LIN28B: variants seen among roughly 807,000 people sequenced by gnomAD.
LIN28B encodes protein lin-28 homolog B.
Under a neutral mutation model 21.9 loss-of-function variants are expected in LIN28B, and 5 were observed. That is an observed-to-expected ratio of 0.23 (90% CI 0.12 to 0.48). The LOEUF (loss-of-function observed/expected upper bound fraction) is 0.48, where lower values mean the gene tolerates loss of function less well. Among genes scored for constraint, LIN28B ranks in the 20% least tolerant of loss-of-function variants. LIN28B has a pLI of 0.98. For synonymous variants in LIN28B, 109 were observed against 111.3 expected (o/e 0.98, Z 0.13); for missense variants, 245 against 310.5 (o/e 0.79, Z 1.58).
exon 2 of LIN28B, chr6:104,937,071 C>T (rs919667332): frequency 1.3e-5 from 2 of 152,132 alleles, no homozygotes; most frequent in African/African-American, 4.8e-5. Context: ...CCACGTCAAC[C>T]TCTGAAGAAG....
chr6:104,949,239 A>G (rs1309383424), intron 2 of LIN28B, among the ~76,000 whole-genome samples: 1 of 152,240 alleles, frequency 6.6e-6, no homozygotes, highest in Non-Finnish European at 1.5e-5. Context: ...TGTGCAAAAT[A>G]AAACTTGATA....
intron 2 of LIN28B, among the ~76,000 whole-genome samples, chr6:104,964,142 G>A (rs1348106272): frequency 6.6e-6 from 1 of 152,150 alleles, no homozygotes; most frequent in Non-Finnish European, 1.5e-5. Flanking sequence ...TTTTAACCGA[G>A]CAGCTCTTTT....
upstream of LIN28B, among the ~76,000 whole-genome samples, chr6:104,952,137 G>C (rs535968147): frequency 1.1e-3 from 169 of 152,232 alleles, no homozygotes; most frequent in South Asian, 0.034. Flanking sequence ...TGATGAAATA[G>C]AGCTTTAAAG....
intron 2 of LIN28B, 53 bp downstream of exon 2, chr6:104,958,339 G>T: frequency 7.2e-7 from 1 of 1,386,916 alleles, no homozygotes; most frequent in South Asian, 1.6e-5. Context: ...TGGAGGAGCT[G>T]ATCGGTAGTT....
chr6:104,992,807 GC>G (rs1217476469), intron 2 of LIN28B, among the ~76,000 whole-genome samples: 1 of 152,052 alleles, frequency 6.6e-6, no homozygotes, highest in Non-Finnish European at 1.5e-5. Flanking sequence ...ATTGTGTCTG[GC>G]CTGATCAAGT....
chr6:104,938,394 C>T (rs1389992229), intron 2 of LIN28B, among the ~76,000 whole-genome samples: 3 of 152,062 alleles, frequency 2.0e-5, no homozygotes, highest in Non-Finnish European at 4.4e-5. Flanking sequence ...AATCCCAGCA[C>T]TTTGAAGGGC....
At chr6:105,000,664 A>C (rs1375818398) in intron 2 of LIN28B, among the ~76,000 whole-genome samples, 3 of 151,554 alleles carry the variant, frequency 2.0e-5, no homozygotes, top group Admixed American at 6.6e-5. Flanking sequence ...AAAGAATAAA[A>C]ATTTAAAATA....
intron 2 of LIN28B, among the ~76,000 whole-genome samples, chr6:105,008,904 A>G (rs1188544851): frequency 6.6e-6 from 1 of 152,220 alleles, no homozygotes; most frequent in Non-Finnish European, 1.5e-5. Flanking sequence ...CTTCACACAT[A>G]CAGTGACATT....
chr6:105,052,581 C>T (rs942661182), intron 3 of LIN28B, among the ~76,000 whole-genome samples: 1 of 152,118 alleles, frequency 6.6e-6, no homozygotes, highest in Non-Finnish European at 1.5e-5. Context: ...TTAGGCCCTG[C>T]TTTCCAGTAC....
chr6:105,050,608 C>A (rs1391583656), intron 3 of LIN28B, among the ~76,000 whole-genome samples: 16 of 47,606 alleles, frequency 3.4e-4, no homozygotes, highest in South Asian at 1.6e-3. Flanking sequence ...GACTCCGTCT[C>A]AAAAAAAAAA....
chr6:105,068,448 T>A lies in LIN28B; in HGVS notation c.384-9966T>A, dbSNP rs189826909. Among the ~76,000 whole-genome samples, 1,402 of 152,304 alleles carry A rather than the reference T, an allele frequency of 9.2e-3. 11 individuals are homozygous for A. Among genetic ancestry groups the A allele is most frequent in the Non-Finnish European group, 0.015 (1,012 of 68,022 alleles). ...TAGAACAGTAGTTGATAATTTTTTT[T>A]AAAAATTAGTTAAGTTGGTCTGAAC... On this transcript the variant is annotated intron_variant, in intron 3 of 3. Transcript: ENST00000345080.
chr6:105,043,473 G>C (rs1390345393), intron 3 of LIN28B, among the ~76,000 whole-genome samples: 1 of 151,046 alleles, frequency 6.6e-6, no homozygotes, highest in African/African-American at 2.4e-5. Flanking sequence ...GTGTATGTGT[G>C]TGTATCCTAT....
intron 2 of LIN28B, among the ~76,000 whole-genome samples, chr6:105,014,054 A>G (rs1176365381): frequency 1.3e-5 from 2 of 151,910 alleles, no homozygotes; most frequent in African/African-American, 4.8e-5. Context: ...TTATTGATTT[A>G]TGTTCCTATT....
At chr6:105,049,869 T>G (rs1771858157) in intron 3 of LIN28B, among the ~76,000 whole-genome samples, 1 of 108,826 alleles carries the variant, frequency 9.2e-6, no homozygotes, top group Admixed American at 1.0e-4. Context: ...TATTCCTCCT[T>G]CCCTTTATTT....
intron 2 of LIN28B, among the ~76,000 whole-genome samples, chr6:104,984,763 AAAC>A (rs1283785344): frequency 6.6e-6 from 1 of 152,214 alleles, no homozygotes; most frequent in Non-Finnish European, 1.5e-5. Context: ...CACAAAAGTA[AAAC>A]AACAAAGACA....
At chr6:104,985,836 T>C (rs1284953729) in intron 2 of LIN28B, among the ~76,000 whole-genome samples, 1 of 152,180 alleles carries the variant, frequency 6.6e-6, no homozygotes, top group Non-Finnish European at 1.5e-5. Context: ...CAAGTAGATG[T>C]CAAGGTTTAT....
chr6:105,061,837 C>G (rs1285067895), intron 3 of LIN28B, among the ~76,000 whole-genome samples: 1 of 151,904 alleles, frequency 6.6e-6, no homozygotes, highest in African/African-American at 2.4e-5. Context: ...AGGTCATGAA[C>G]AATGTGTACA....
At chr6:105,029,185 C>A (rs1771364691) in intron 3 of LIN28B, among the ~76,000 whole-genome samples, 1 of 152,086 alleles carries the variant, frequency 6.6e-6, no homozygotes, top group Non-Finnish European at 1.5e-5. Flanking sequence ...GCAGAGACAG[C>A]AAGTTTAGAC....
At chr6:105,030,417 A>G (rs1483788276) in intron 3 of LIN28B, among the ~76,000 whole-genome samples, 5 of 151,232 alleles carry the variant, frequency 3.3e-5, no homozygotes, top group African/African-American at 4.9e-5. Flanking sequence ...AGTAATGAGA[A>G]TAAAATTGTG....
Sources: gnomAD v4.1 joint callset for allele counts (sites outside exome capture counted in the v4.1 genomes callset) on GRCh38, gnomAD v4.1.1 for gene constraint, MANE v1.5 for transcripts, NCBI Gene and HGNC (gene_info 2026-07-23, HGNC 2026-07-21) for gene names.